The following SAMD8 variants were observed in gnomAD, a reference collection of about 807,000 sequenced individuals.
SAMD8 encodes sterile alpha motif domain containing 8, also known as sphingomyelin synthase-related protein 1.
In SAMD8, 20 loss-of-function variants were observed where a neutral mutation model predicts 42.0. The ratio of observed to expected loss-of-function variants is 0.48; its 90% confidence interval spans 0.34 to 0.69. The LOEUF is 0.69. Among genes scored for constraint, SAMD8 ranks in the 30% least tolerant of loss-of-function variants. The pLI is 0.01. For synonymous variants in SAMD8, 162 were observed against 173.0 expected (o/e 0.94, Z 0.50); for missense variants, 328 against 511.6 (o/e 0.64, Z 3.46).
At position 75,144,173 on chromosome 10, in the gene SAMD8, T is replaced by C. The variant is rs1452009960; in HGVS notation, c.-15-6341T>C. Among the ~76,000 whole-genome samples, 3 of 141,788 alleles carry C rather than the reference T, an allele frequency of 2.1e-5. No individual in the cohort carries two copies. The Admixed American group carries it at 2.2e-4, about 10-fold the overall frequency. 93.0% of individuals were successfully genotyped at this position (141,788 alleles called of 152,430 possible). A position where few individuals can be genotyped will look rare whatever the true frequency, so the allele number is the denominator to read the frequency against. On this transcript the variant is annotated intron_variant, in intron 1 of 5. Coordinates refer to ENST00000542569, the MANE Select transcript of SAMD8 (RefSeq NM_001174156.2). ...TAGTGGAGATGGGGTTTTCACAGTG[T>C]TAGCCAGGATGGTCTCCATCTCTTG...
chr10:75,115,402 T>C (rs965311513), intron 1 of SAMD8, among the ~76,000 whole-genome samples: 11 of 152,152 alleles, frequency 7.2e-5, no homozygotes, highest in Admixed American at 5.9e-4. Context: ...TAGGAGAGCA[T>C]GGGCCAGGCA....
intron 1 of SAMD8, among the ~76,000 whole-genome samples, chr10:75,148,679 T>C (rs1424245783): frequency 6.6e-6 from 1 of 152,150 alleles, no homozygotes; most frequent in African/African-American, 2.4e-5. Flanking sequence ...ACTTTGCTTG[T>C]TGTAAGGAAG....
Position 75,164,710 on chromosome 10 carries a change from G to T in SAMD8, c.644G>T (p.Trp215Leu). 6.2e-7 allele frequency: 1 copy of T among 1,613,978 alleles called. No individual in the cohort carries two copies. Among genetic ancestry groups the T allele is most frequent in the Non-Finnish European group, 8.5e-7 (1 of 1,179,942 alleles). The change falls in exon 3 of 6, where the codon TGG becomes TTG. Residue 215 changes from tryptophan to leucine, a missense_variant. By Grantham distance (61) the Trp-to-Leu change is moderately conservative. This residue lies in a region of SAMD8 where 178 missense variants were observed against 325.6 expected (regional missense o/e 0.55). Transcript: ENST00000542569. ...TGTGGCATGATTCTGTGCTATATTTGGCTCCTGGTTCTTCTTCTTCACAAG... is the reference window on the plus strand; with the variant it reads ...TGTGGCATGATTCTGTGCTATATTTTGCTCCTGGTTCTTCTTCTTCACAAG... ...EVCGMILCYI[W>L]LLVLLLHKHR...
chr10:75,180,414 T>C lies in SAMD8; in HGVS notation c.*3722T>C, dbSNP rs1841060900. On this transcript the variant is annotated 3_prime_UTR_variant, in exon 6 of 6. Transcript: ENST00000542569. ...TCCGTCTCTACTAAAAATACAAAAA[T>C]TAGCCGGGCGTGGTGGTGCACGCCC... The C allele has an allele frequency of 6.6e-6, 1 of 152,072 alleles. No homozygotes were observed. The highest frequency in any genetic ancestry group is 2.4e-5 in the African/African-American group (1 of 41,390). 9.4% of individuals were successfully genotyped at this position (152,072 alleles called of 1,614,324 possible).
intron 1 of SAMD8, among the ~76,000 whole-genome samples, chr10:75,112,782 T>C (rs890563464): frequency 6.6e-6 from 1 of 152,188 alleles, no homozygotes; most frequent in African/African-American, 2.4e-5. Flanking sequence ...AAACAAGAAT[T>C]TGGACACTTG....
intron 2 of SAMD8, among the ~76,000 whole-genome samples, chr10:75,163,129 G>A (rs773365204): frequency 3.3e-5 from 5 of 152,144 alleles, no homozygotes; most frequent in Middle Eastern, 3.2e-3. Flanking sequence ...GTTTAACCAT[G>A]TGGGCCAGGC....
chr10:75,167,862 C>T (rs1038212166), intron 3 of SAMD8, among the ~76,000 whole-genome samples: 17 of 152,144 alleles, frequency 1.1e-4, no homozygotes, highest in African/African-American at 3.4e-4. Flanking sequence ...CAAAGGGCTG[C>T]AATTACAAGC....
chr10:75,153,713 A>G (rs1840347243), intron 2 of SAMD8, among the ~76,000 whole-genome samples: 1 of 152,162 alleles, frequency 6.6e-6, no homozygotes, highest in Middle Eastern at 3.4e-3. Flanking sequence ...AGAATAATGT[A>G]TACATCTCAT....
In SAMD8 at chr10:75,176,757, G is replaced by T; in HGVS notation, c.*65G>T. ...AGTTGTTGAAAATGAGTAACTTTGC[G>T]TTCTCCCCCTAGGTTGTTCTTAGAT... On this transcript the variant is annotated 3_prime_UTR_variant, in exon 6 of 6. Transcript: ENST00000542569. This position sits in a 1 kb window ranked among gnomAD's most constrained non-coding sequence, Gnocchi z 4.3. 1 of 1,253,184 alleles carries T rather than the reference G, an allele frequency of 8.0e-7. No homozygotes were observed. Among genetic ancestry groups the T allele is most frequent in the African/African-American group, 1.5e-5 (1 of 65,974 alleles). The allele number at this position is 1,253,184 out of a possible 1,614,324, so 77.6% of individuals were successfully genotyped here. A position where few individuals can be genotyped will look rare whatever the true frequency, so the allele number is the denominator to read the frequency against.
chr10:75,172,262 T>C (rs769471809), intron 4 of SAMD8, among the ~76,000 whole-genome samples: 2 of 152,226 alleles, frequency 1.3e-5, no homozygotes, highest in African/African-American at 4.8e-5. Flanking sequence ...CAAAATAGTA[T>C]GCTGTGTACA....
intron 1 of SAMD8, 105 bp downstream of exon 1, chr10:75,111,827 C>T: frequency 8.3e-7 from 1 of 1,211,440 alleles, no homozygotes; most frequent in Non-Finnish European, 1.0e-6. Context: ...GGGACCGCGA[C>T]CTGGAGGGGC....
At chr10:75,146,639 A>G (rs150890348) in intron 1 of SAMD8, among the ~76,000 whole-genome samples, 51 of 152,246 alleles carry the variant, frequency 3.3e-4, no homozygotes, top group African/African-American at 1.1e-3. Context: ...TTCAGGTCAG[A>G]GGATAAATCT....
In SAMD8 at chr10:75,165,977, CAAAAAAAAA is replaced by C. The variant is rs56839743; in HGVS notation, c.674+1250_674+1258del. Among the ~76,000 whole-genome samples, 2 of 62,532 alleles carry C rather than the reference CAAAAAAAAA, an allele frequency of 3.2e-5. 1 individual carries two copies. Among genetic ancestry groups the C allele is most frequent in the African/African-American group, 1.2e-4 (2 of 17,380 alleles). The allele number at this position is 62,532 out of a possible 152,430, so 41.0% of individuals were successfully genotyped here. ...GGGTGACAGAGCCAGACCCTGTCTC[CAAAAAAAAA>C]AAAAAAAAAAAAGAAAGATTATTTT... On this transcript the variant is annotated intron_variant, in intron 3 of 5. Coordinates refer to ENST00000542569, the MANE Select transcript of SAMD8 (RefSeq NM_001174156.2).
chr10:75,154,568 C>T (rs1410343243), intron 2 of SAMD8, among the ~76,000 whole-genome samples: 1 of 152,172 alleles, frequency 6.6e-6, no homozygotes, highest in African/African-American at 2.4e-5. Flanking sequence ...AGGACTTCAG[C>T]TTTCATTCTA....
intron 1 of SAMD8, among the ~76,000 whole-genome samples, chr10:75,121,479 C>G (rs141258753): frequency 6.6e-6 from 1 of 152,114 alleles, no homozygotes; most frequent in African/African-American, 2.4e-5. Context: ...CAAAACACAA[C>G]ACGTTTAATG....
At chr10:75,101,790 C>G (rs1337564250) in intron 1 of SAMD8, 2 of 1,019,830 alleles carry the variant, frequency 2.0e-6, no homozygotes, top group Non-Finnish European at 2.8e-6. Context: ...CACACAGGCA[C>G]AAGTGTCCTG....
chr10:75,105,814 A>C, intron 1 of SAMD8: 1 of 1,551,012 alleles, frequency 6.4e-7, no homozygotes, highest in Non-Finnish European at 8.7e-7. Context: ...GAGGTAGGCC[A>C]GGACCAGCGT....
intron 1 of SAMD8, among the ~76,000 whole-genome samples, chr10:75,131,520 G>C (rs1055598786): frequency 1.3e-5 from 2 of 152,012 alleles, no homozygotes; most frequent in Admixed American, 1.3e-4. Flanking sequence ...CTAATTAGAA[G>C]CTTAGAATCT....
At chr10:75,109,833 G>A (rs1848722320), upstream of SAMD8, among the ~76,000 whole-genome samples, 2 of 151,746 alleles carry the variant, frequency 1.3e-5, no homozygotes, top group South Asian at 4.2e-4. Context: ...GTTTTGTTTT[G>A]TTTAGACAGG....
Sources: allele counts gnomAD v4.1 joint callset (sites outside exome capture counted in the v4.1 genomes callset), GRCh38; gene constraint gnomAD v4.1.1; regional missense constraint gnomAD v4.1.1; non-coding constraint Gnocchi (gnomAD v3.1); transcripts MANE v1.5; gene names NCBI Gene and HGNC (gene_info 2026-07-23, HGNC 2026-07-21).